Variants in BRME1 observed in about 807,000 individuals in gnomAD.
BRME1 encodes the protein break repair meiotic recombinase recruitment factor 1, also known as BRCA2 and MEILB2-associating protein 1.
In BRME1, 31 loss-of-function variants were observed where a neutral mutation model predicts 52.6. That is an observed-to-expected ratio of 0.59 (90% CI 0.44 to 0.80). The LOEUF (loss-of-function observed/expected upper bound fraction) is 0.80. Ranked by LOEUF, BRME1 falls within the 30% of genes least tolerant of loss-of-function variation. The pLI, the probability that BRME1 is intolerant of heterozygous loss-of-function variation, is 0.00. For missense variants in BRME1, 804 were observed against 860.3 expected (o/e 0.93, Z 0.82); for synonymous variants, 359 against 353.6 (o/e 1.02, Z -0.17).
chr19:13,889,067 T>C, intron 6 of BRME1, 121 bp downstream of exon 6: 1 of 911,916 alleles, frequency 1.1e-6, no homozygotes, highest in Non-Finnish European at 1.6e-6. Flanking sequence ...TCGTTGGCTG[T>C]GTAAATGGTA....
chr19:13,895,139 A>G (rs1320562515), intron 3 of BRME1, among the ~76,000 whole-genome samples: 1 of 152,056 alleles, frequency 6.6e-6, no homozygotes, highest in Non-Finnish European at 1.5e-5. Flanking sequence ...TCGGCCTCCC[A>G]AAGTGTTGGG....
rs201032125 is a variant in BRME1 at position 13,890,033 on chromosome 19, C to A, written c.823G>T (p.Gly275Cys). ...GCTGATGCTGGGGTACAGGGGACAC[C>A]GTCTCCCTCCTCCTGGGGCCCTCCA... is the stretch of plus-strand genomic sequence containing the variant. The part of the protein sequence containing the change: ...LPGGPQEEGD[G>C]VPCTPASAPT... The change falls in exon 6 of 9, where the codon GGT (glycine) becomes TGT (cysteine). Residue 275 changes from glycine to cysteine, a missense_variant. Physicochemically the swap from Gly to Cys is radical, Grantham distance 159 (BLOSUM62 -3). This residue lies in a region of BRME1 where 552 missense variants were observed against 561.1 expected (regional missense o/e 0.98). Transcript: ENST00000586783. The A allele has an allele frequency of 1.4e-5, 23 of 1,613,320 alleles. No homozygotes were observed. In the Admixed American group the frequency reaches 1.8e-4, roughly 13 times the overall value.
intron 7 of BRME1, 122 bp downstream of exon 7, chr19:13,885,839 T>G: frequency 1.3e-6 from 1 of 795,572 alleles, no homozygotes; most frequent in Non-Finnish European, 2.1e-6. Flanking sequence ...TCAGCTCCCC[T>G]GCTGGACTGA....
At chr19:13,898,404 T>C (rs1275377510) in intron 2 of BRME1, among the ~76,000 whole-genome samples, 1 of 151,582 alleles carries the variant, frequency 6.6e-6, no homozygotes, top group Non-Finnish European at 1.5e-5. Flanking sequence ...ATCACTTGAG[T>C]CCAGGATCTC....
rs897843167 is a variant in BRME1 at position 13,883,225 on chromosome 19, C to A, written c.1856+83G>T. On this transcript the variant is annotated intron_variant, in intron 8 of 8. Transcript: ENST00000586783. This position sits in a 1 kb window ranked among gnomAD's most constrained non-coding sequence, Gnocchi z 4.2. ...ACCCTCGCTGCCCACCTAGGGGCTT[C>A]ACACTTCAGTCCCTCCCTGCTCCTC... The A allele has an allele frequency of 1.5e-6, 2 of 1,299,286 alleles. No homozygotes were observed. The highest frequency in any genetic ancestry group is 2.9e-5 in the African/African-American group (2 of 68,726). The allele number at this position is 1,299,286 out of a possible 1,614,324, so 80.5% of individuals were successfully genotyped here.
chr19:13,882,469 T>A lies in BRME1; in HGVS notation c.*333A>T. 1.8e-5 allele frequency: 8 copies of A among 440,448 alleles called. No individual in the cohort carries two copies. The highest frequency in any genetic ancestry group is 3.2e-5 in the Non-Finnish European group (8 of 251,096). The allele number at this position is 440,448 out of a possible 1,614,324, so 27.3% of individuals were successfully genotyped here. A position where few individuals can be genotyped will look rare whatever the true frequency, so the allele number is the denominator to read the frequency against. On this transcript the variant is annotated 3_prime_UTR_variant, in exon 9 of 9. Transcript: ENST00000586783. ...CAGGAAAGAAACAAATTCTGAACCA[T>A]CCATACTTGGCTCAGGACCCTAAAA... is the stretch of plus-strand genomic sequence containing the variant.
intron 5 of BRME1, among the ~76,000 whole-genome samples, chr19:13,891,062 C>T (rs1374339054): frequency 6.6e-6 from 1 of 152,026 alleles, no homozygotes; most frequent in African/African-American, 2.4e-5. Flanking sequence ...TCTCCACCAG[C>T]ACCAGGTACT....
At position 13,897,829 on chromosome 19, in the gene BRME1, C is replaced by A. The variant is rs143965401; in HGVS notation, c.32-2283G>T. 2.6e-3 allele frequency among the ~76,000 whole-genome samples: 402 copies of A among 152,074 alleles called. 1 individual carries two copies. Among genetic ancestry groups the A allele is most frequent in the African/African-American group, 9.4e-3 (390 of 41,482 alleles). Reference sequence around the variant, plus strand: ...TGAGTCCAGACTGTGCCACTGCACTCCAGCCTGGGCAACAGAACTAGAGCC... The same window carrying A: ...TGAGTCCAGACTGTGCCACTGCACTACAGCCTGGGCAACAGAACTAGAGCC... On this transcript the variant is annotated intron_variant, in intron 2 of 8. Coordinates refer to ENST00000586783, the MANE Select transcript of BRME1 (RefSeq NM_001345843.2).
At position 13,889,882 on chromosome 19, in the gene BRME1, G is replaced by A. The variant is rs1969342118; in HGVS notation, c.974C>T (p.Thr325Ile). ...GGAGGAGCATCCCAGGCTGCTATGAGTCCCTTCCCCTTCCCTACCCATCCT... is the reference window on the plus strand; with the variant it reads ...GGAGGAGCATCCCAGGCTGCTATGAATCCCTTCCCCTTCCCTACCCATCCT... ...PSRMGREGEG[T>I]HSSLGCSSLG... Residue 325 changes from threonine to isoleucine, a missense_variant, in exon 6 of 9, where the codon ACT (threonine) becomes ATT (isoleucine). Physicochemically the swap from Thr to Ile is moderately conservative, Grantham distance 89. Around this residue, in one of 3 missense-constraint regions of BRME1, gnomAD observed 552 missense variants for 561.1 expected, o/e 0.98. Coordinates refer to ENST00000586783, the MANE Select transcript of BRME1 (RefSeq NM_001345843.2). 1.2e-6 allele frequency: 2 copies of A among 1,613,182 alleles called. No individual in the cohort carries two copies. Among genetic ancestry groups the A allele is most frequent in the African/African-American group, 2.7e-5 (2 of 75,066 alleles).
In BRME1 at chr19:13,882,516, G is replaced by C. The variant is rs1968705185; in HGVS notation, c.*286C>G. 3 of 503,158 alleles carry C rather than the reference G, an allele frequency of 6.0e-6. No homozygotes were observed. The highest frequency in any genetic ancestry group is 2.0e-5 in the African/African-American group (1 of 50,316). The allele number at this position is 503,158 out of a possible 1,614,324, so 31.2% of individuals were successfully genotyped here. On this transcript the variant is annotated 3_prime_UTR_variant, in exon 9 of 9. Coordinates refer to ENST00000586783, the MANE Select transcript of BRME1 (RefSeq NM_001345843.2). The stretch of plus-strand genomic sequence containing the variant: ...AAAATTTGCAAATCCGGACAGGATG[G>C]GCCCTGCTCAGAGGTGGCCAGCTTC...
In BRME1 at chr19:13,889,841, T is replaced by C; in HGVS notation, c.1015A>G (p.Ile339Val). The C allele has an allele frequency of 1.2e-6, 2 of 1,613,312 alleles. No homozygotes were observed. Among genetic ancestry groups the C allele is most frequent in the Admixed American group, 1.7e-5 (1 of 60,028 alleles). The change falls in exon 6 of 9, where the codon ATC becomes GTC. Residue 339 changes from isoleucine (I) to valine (V), a missense_variant. Transcript: ENST00000586783. ...GTGGGGTCTGTGCTCAGGTCTGCGA[T>C]GACAACCATCCCGAGGGAGGAGCAT... ...LGCSSLGMVV[I>V]ADLSTDPTEL...
chr19:13,895,634 G>C, intron 2 of BRME1, 88 bp from the exon 3 acceptor site: 1 of 1,216,718 alleles, frequency 8.2e-7, no homozygotes, highest in Non-Finnish European at 1.2e-6. Context: ...CTACAACCAG[G>C]CTGCACGCGA....
At chr19:13,894,805 A>G (rs10415602) in intron 3 of BRME1, among the ~76,000 whole-genome samples, 40,322 of 152,154 alleles carry the variant, frequency 0.27, 5,916 homozygotes, top group African/African-American at 0.4. Flanking sequence ...AATGTGGAAG[A>G]AGGATGGGTT....
chr19:13,890,260 G>T lies in BRME1; in HGVS notation c.596C>A (p.Thr199Lys). 1 of 1,613,816 alleles carries T rather than the reference G, an allele frequency of 6.2e-7. No individual in the cohort carries two copies. Among genetic ancestry groups the T allele is most frequent in the South Asian group, 1.1e-5 (1 of 91,052 alleles). ...GGCCCTCTGTGAGGCGGACAACCCC[G>T]TCCCCCTGTCTGGAGGGTCATCAGG... Reference protein sequence around the residue: ...SQPDDPPDRGTGLSASQRASQ... With the variant: ...SQPDDPPDRGKGLSASQRASQ... Residue 199 changes from threonine to lysine, a missense_variant, in exon 6 of 9, where the codon ACG becomes AAG. Thr to Lys is a moderately conservative substitution (Grantham distance 78). Coordinates refer to ENST00000586783, the MANE Select transcript of BRME1 (RefSeq NM_001345843.2).
In BRME1 at chr19:13,889,611, AG is replaced by A; in HGVS notation, c.1244del (p.Pro415LeufsTer15). The A allele has an allele frequency of 6.2e-7, 1 of 1,609,914 alleles. No homozygotes were observed. On this transcript the variant is annotated frameshift_variant, in exon 6 of 9. Coordinates refer to ENST00000586783, the MANE Select transcript of BRME1 (RefSeq NM_001345843.2). LOFTEE classifies it high-confidence loss of function. ...CAGGTGCCAGAGCCAGGGAGGCTGT[AG>A]GGCCCACTAGGACATCGCCGGGGGG... ...GKPPGDVLVG[P>X]TASLALAPGS...
chr19:13,903,183 A>G (rs999986644), intron 2 of BRME1, among the ~76,000 whole-genome samples: 1 of 152,192 alleles, frequency 6.6e-6, no homozygotes, highest in African/African-American at 2.4e-5. Flanking sequence ...GTACTACCTT[A>G]GGTCAGTTCT....
At position 13,889,680 on chromosome 19, in the gene BRME1, C is replaced by T; in HGVS notation, c.1176G>A (p.Gly392=). 2 of 1,610,398 alleles carry T rather than the reference C, an allele frequency of 1.2e-6. No homozygotes were observed. Among genetic ancestry groups the T allele is most frequent in the Non-Finnish European group, 8.5e-7 (1 of 1,178,836 alleles). Residue 392 remains glycine, a synonymous_variant, in exon 6 of 9, where the codon GGG becomes GGA. Transcript: ENST00000586783. ...CCTCCCCACTTTCTCCTGTGGTTTC[C>T]CCAGTGAGCGAGGTGCAGCCTGGCA... ...RALPGCTSLT[G]ETTGESGEAG... is the part of the protein sequence containing the mutation.
chr19:13,894,152 C>T (rs111433185), intron 3 of BRME1, among the ~76,000 whole-genome samples: 1,675 of 152,122 alleles, frequency 0.011, 40 homozygotes, highest in African/African-American at 0.039. Flanking sequence ...AGCCCTGACA[C>T]GGCACATTCT....
At position 13,888,209 on chromosome 19, in the gene BRME1, A is replaced by AT. The variant is rs774420250; in HGVS notation, c.1668+978dup. Among the ~76,000 whole-genome samples, 1,068 of 143,938 alleles carry AT rather than the reference A, an allele frequency of 7.4e-3. 9 individuals are homozygous for AT. Among genetic ancestry groups the AT allele is most frequent in the African/African-American group, 0.017 (683 of 39,414 alleles). The allele number at this position is 143,938 out of a possible 152,430, so 94.4% of individuals were successfully genotyped here. A position where few individuals can be genotyped will look rare whatever the true frequency, so the allele number is the denominator to read the frequency against. On this transcript the variant is annotated intron_variant, in intron 6 of 8. Transcript: ENST00000586783. The surrounding 1 kb of genome is among the most constrained non-coding windows in gnomAD (Gnocchi z 4.1). ...TGGGAGCCACTGTGCCTGGCCATGA[A>AT]TTTTTTTTTTTTTTTTTAACATCTC...
Sources: gnomAD v4.1 joint callset for allele counts (sites outside exome capture counted in the v4.1 genomes callset) on GRCh38, gnomAD v4.1.1 for gene constraint, gnomAD v4.1.1 regional missense constraint, Gnocchi (gnomAD v3.1) non-coding constraint, MANE v1.5 for transcripts, NCBI Gene and HGNC (gene_info 2026-07-23, HGNC 2026-07-21) for gene names.